Variants in AFAP1L1 observed in about 807,000 individuals in gnomAD.
AFAP1L1 encodes actin filament-associated protein 1-like 1.
A neutral mutation model predicts 99.8 loss-of-function variants in AFAP1L1; 77 were observed. That is an observed-to-expected ratio of 0.77 (90% CI 0.64 to 0.93). The LOEUF is 0.93. AFAP1L1 is among the 40% of genes least tolerant of loss of function. The pLI, the probability that AFAP1L1 is intolerant of heterozygous loss-of-function variation, is 0.00. For missense variants in AFAP1L1, 893 were observed against 996.8 expected (o/e 0.90, Z 1.40); for synonymous variants, 373 against 395.3 (o/e 0.94, Z 0.67).
chr5:149,295,554 G>C (rs1000775792), intron 1 of AFAP1L1, among the ~76,000 whole-genome samples: 3 of 151,204 alleles, frequency 2.0e-5, no homozygotes, highest in Non-Finnish European at 4.4e-5. Flanking sequence ...AGAAACAAAA[G>C]AAGGGAGAGA....
intron 15 of AFAP1L1, 35 bp from the exon 16 acceptor site, chr5:149,329,606 CACAAGTACCTTTGCCAGAGGTCAGA>C: frequency 1.3e-6 from 2 of 1,513,638 alleles, no homozygotes; most frequent in Non-Finnish European, 1.8e-6. Flanking sequence ...GCTGACACCA[CACAAGTACCTTTGCCAGAGGTCAGA>C]ACTGAGGGCC....
At chr5:149,316,031 G>A in intron 10 of AFAP1L1, 117 bp downstream of exon 10, 7 of 1,577,102 alleles carry the variant, frequency 4.4e-6, no homozygotes, top group Non-Finnish European at 6.1e-6. Context: ...AAGGTGACCT[G>A]GCCTGCCATC....
At chr5:149,279,396 A>G (rs1470161572) in intron 1 of AFAP1L1, among the ~76,000 whole-genome samples, 4 of 152,230 alleles carry the variant, frequency 2.6e-5, no homozygotes, top group Non-Finnish European at 5.9e-5. Context: ...GACTACTCTC[A>G]CGTAAAATTC....
At chr5:149,319,874 C>T in intron 13 of AFAP1L1, 147 bp downstream of exon 13, 1 of 1,241,676 alleles carries the variant, frequency 8.1e-7, no homozygotes, top group Non-Finnish European at 1.1e-6. Context: ...TGAGTGTCTT[C>T]CTCTTCCAGC....
At chr5:149,290,738 T>C (rs1755825012) in intron 1 of AFAP1L1, among the ~76,000 whole-genome samples, 1 of 152,238 alleles carries the variant, frequency 6.6e-6, no homozygotes, top group Non-Finnish European at 1.5e-5. Flanking sequence ...TTTTTCTTTT[T>C]TTCAAGCATC....
intron 18 of AFAP1L1, among the ~76,000 whole-genome samples, chr5:149,339,500 C>G (rs2127606895): frequency 6.6e-6 from 1 of 152,290 alleles, no homozygotes; most frequent in Non-Finnish European, 1.5e-5. Flanking sequence ...CCCAATAAAA[C>G]TTATTTACAG....
chr5:149,285,213 G>C (rs568739208), intron 1 of AFAP1L1, among the ~76,000 whole-genome samples: 2 of 152,200 alleles, frequency 1.3e-5, no homozygotes, highest in Admixed American at 1.3e-4. Flanking sequence ...GGAAAAGAGG[G>C]AAGACTTCCT....
chr5:149,281,633 C>T (rs1246246097), intron 1 of AFAP1L1, among the ~76,000 whole-genome samples: 3 of 152,188 alleles, frequency 2.0e-5, no homozygotes, highest in Non-Finnish European at 1.5e-5. Flanking sequence ...TCAGTAGATA[C>T]TGTCATATTC....
Position 149,300,283 on chromosome 5 carries a change from C to T in AFAP1L1, c.158C>T (p.Ser53Phe), listed in dbSNP as rs753919755. 6 of 1,613,136 alleles carry T rather than the reference C, an allele frequency of 3.7e-6. No individual in the cohort carries two copies. The South Asian group carries it at 5.5e-5, about 15-fold the overall frequency. ...TTCTTCCTCACAGCAAAGGAGGTCT[C>T]CTACCTGTATGTGAACACAGCAGAC... is the stretch of plus-strand genomic sequence containing the variant. ...SLQPLPAKEV[S>F]YLYVNTADLH... The change falls in exon 3 of 19, where the codon TCC becomes TTC. Residue 53 changes from serine (S) to phenylalanine (F), a missense_variant. Coordinates refer to ENST00000296721, the MANE Select transcript of AFAP1L1 (RefSeq NM_152406.4).
At chr5:149,317,591 G>T in intron 11 of AFAP1L1, 138 bp from the exon 12 acceptor site, 1 of 794,930 alleles carries the variant, frequency 1.3e-6, no homozygotes, top group Non-Finnish European at 2.0e-6. Flanking sequence ...GCACACCCAA[G>T]GTCACCCTGA....
intron 1 of AFAP1L1, among the ~76,000 whole-genome samples, chr5:149,295,092 A>G (rs535091189): frequency 1.1e-4 from 17 of 152,282 alleles, no homozygotes; most frequent in African/African-American, 3.4e-4. Flanking sequence ...GCTTTGCCCC[A>G]TGGTTCCCCT....
At chr5:149,309,530 A>T (rs963669385) in intron 7 of AFAP1L1, among the ~76,000 whole-genome samples, 17 of 152,062 alleles carry the variant, frequency 1.1e-4, no homozygotes, top group Admixed American at 2.6e-4. Context: ...TGGGCTCATT[A>T]AAAAAATGGG....
At position 149,340,495 on chromosome 5, in the gene AFAP1L1, T is replaced by G. The variant is rs1051101724; in HGVS notation, c.*465T>G. On this transcript the variant is annotated 3_prime_UTR_variant, in exon 19 of 19. Coordinates refer to ENST00000296721, the MANE Select transcript of AFAP1L1 (RefSeq NM_152406.4). ...CTGATCACACTTGTGCCAACTTGAT[T>G]CATATTGGGCATTACTAACAACCCC... The G allele has an allele frequency of 6.3e-6, 1 of 159,964 alleles. No individual in the cohort carries two copies. The highest frequency in any genetic ancestry group is 2.4e-5 in the African/African-American group (1 of 41,782). The allele number at this position is 159,964 out of a possible 1,614,324, so 9.9% of individuals were successfully genotyped here.
chr5:149,278,655 CT>C (rs1755418475), intron 1 of AFAP1L1, among the ~76,000 whole-genome samples: 1 of 152,204 alleles, frequency 6.6e-6, no homozygotes, highest in South Asian at 2.1e-4. Flanking sequence ...TTTCCTCAGT[CT>C]TTGTAAAGCA....
intron 7 of AFAP1L1, 43 bp downstream of exon 7, chr5:149,307,656 C>A: frequency 6.3e-7 from 1 of 1,575,076 alleles, no homozygotes; most frequent in Non-Finnish European, 8.7e-7. Context: ...CTCACATGGA[C>A]TTGCATGTGG....
At chr5:149,333,095 AC>A (rs1319435212) in intron 17 of AFAP1L1, among the ~76,000 whole-genome samples, 2 of 152,252 alleles carry the variant, frequency 1.3e-5, no homozygotes, top group African/African-American at 4.8e-5. Context: ...TGTCTCCACA[AC>A]AGCAGCACCA....
chr5:149,312,151 G>A lies in AFAP1L1; in HGVS notation c.967G>A (p.Gly323Arg). ...GAGCAAGCCAGTTGGGGGAGCTGAGGGAGTGGAGGTCCCCAGATCCCCAGT... is the reference window on the plus strand; with the variant it reads ...GAGCAAGCCAGTTGGGGGAGCTGAGAGAGTGGAGGTCCCCAGATCCCCAGT... The part of the protein sequence containing the change: ...EVSKPVGGAE[G>R]VEVPRSPVLL... The change falls in exon 9 of 19, where the codon GGA becomes AGA. Residue 323 changes from glycine to arginine, a missense_variant. Coordinates refer to ENST00000296721, the MANE Select transcript of AFAP1L1 (RefSeq NM_152406.4). The A allele has an allele frequency of 6.2e-7, 1 of 1,614,120 alleles. No homozygotes were observed. The highest frequency in any genetic ancestry group is 8.5e-7 in the Non-Finnish European group (1 of 1,180,042).
chr5:149,290,536 T>TCA (rs1755819181), intron 1 of AFAP1L1, among the ~76,000 whole-genome samples: 1 of 151,582 alleles, frequency 6.6e-6, no homozygotes, highest in Non-Finnish European at 1.5e-5. Context: ...ATATCTGTTA[T>TCA]TATTTCTGAA....
chr5:149,299,845 C>G (rs1756136617), intron 2 of AFAP1L1, among the ~76,000 whole-genome samples: 1 of 152,112 alleles, frequency 6.6e-6, no homozygotes, highest in African/African-American at 2.4e-5. Flanking sequence ...GCCCCACCTC[C>G]CCACCGACAG....
Sources: allele counts gnomAD v4.1 joint callset (sites outside exome capture counted in the v4.1 genomes callset), GRCh38; gene constraint gnomAD v4.1.1; transcripts MANE v1.5; gene names NCBI Gene and HGNC (gene_info 2026-07-23, HGNC 2026-07-21).